The following LTAP1 variants were observed in gnomAD, a reference collection of about 807,000 sequenced individuals.
The protein encoded by LTAP1 is HCV NS5A-transactivated protein 4.
At chr1:154,206,861 A>C in the LTAP1 span, 1 of 154,894 alleles carries the variant, frequency 6.5e-6, no homozygotes. Context: ...CTTTTATTCA[A>C]TTTATTAATG....
At chr1:154,218,369 CT>C in the LTAP1 span, among the ~76,000 whole-genome samples, 1 of 152,138 alleles carries the variant, frequency 6.6e-6, no homozygotes, top group Non-Finnish European at 1.5e-5. Context: ...AGGAATATTG[CT>C]CTGAACTAGA....
chr1:154,217,563 C>G, the LTAP1 span, among the ~76,000 whole-genome samples: 2 of 152,056 alleles, frequency 1.3e-5, no homozygotes. Flanking sequence ...GACAGAGTCT[C>G]GCTCTGTCAC....
At chr1:154,213,743 C>G in the LTAP1 span, 1 of 567,896 alleles carries the variant, frequency 1.8e-6, no homozygotes, top group Non-Finnish European at 3.1e-6. Flanking sequence ...TCAGCAAAAT[C>G]TCTAATCTAG....
chr1:154,212,506 G>A, the LTAP1 span: 2 of 1,614,186 alleles, frequency 1.2e-6, no homozygotes, highest in Non-Finnish European at 1.7e-6. Flanking sequence ...GGGTATCAAT[G>A]AGTGCTTTGC....
the LTAP1 span, among the ~76,000 whole-genome samples, chr1:154,215,137 G>A: frequency 4.6e-5 from 7 of 152,114 alleles, no homozygotes; most frequent in South Asian, 2.1e-4. Flanking sequence ...GAGCTACTGC[G>A]CCCAGCCTCT....
At chr1:154,208,206 C>T in the LTAP1 span, among the ~76,000 whole-genome samples, 40 of 152,156 alleles carry the variant, frequency 2.6e-4, no homozygotes, top group East Asian at 7.1e-3. Flanking sequence ...GAGTTTGAGA[C>T]CAGTCTGGGA....
chr1:154,220,298 G>A, the LTAP1 span: 7 of 1,608,356 alleles, frequency 4.4e-6, no homozygotes, highest in South Asian at 3.3e-5. Context: ...GGTCTCTACT[G>A]GGTAAGATGC....
the LTAP1 span, chr1:154,212,501 T>C: frequency 1.4e-4 from 226 of 1,614,034 alleles, no homozygotes; most frequent in South Asian, 6.4e-4. Context: ...CAAAAGGGTA[T>C]CAATGAGTGC....
At chr1:154,213,670 G>C in the LTAP1 span, among the ~76,000 whole-genome samples, 1 of 152,166 alleles carries the variant, frequency 6.6e-6, no homozygotes, top group Non-Finnish European at 1.5e-5. Flanking sequence ...GGTCTCAAGA[G>C]AAGAACTTTA....
At chr1:154,219,758 A>C in the LTAP1 span, 4 of 1,050,914 alleles carry the variant, frequency 3.8e-6, no homozygotes, top group Non-Finnish European at 5.6e-6. Context: ...TAAAGTCATC[A>C]CTAAAGGCAG....
chr1:154,207,405 AC>A, the LTAP1 span: 1 of 1,586,764 alleles, frequency 6.3e-7, no homozygotes, highest in South Asian at 1.1e-5. Flanking sequence ...CCTGTCTTGC[AC>A]ATTGCAACTG....
the LTAP1 span, chr1:154,214,522 T>C: frequency 1.1e-5 from 18 of 1,613,964 alleles, no homozygotes; most frequent in Non-Finnish European, 1.4e-5. Context: ...CTGGGGCTCA[T>C]ACTTGATATC....
chr1:154,211,215 G>C, the LTAP1 span, among the ~76,000 whole-genome samples: 1 of 150,640 alleles, frequency 6.6e-6, no homozygotes, highest in Non-Finnish European at 1.5e-5. Flanking sequence ...ATGTTGGCCA[G>C]GCTGGTCTTG....
chr1:154,207,202 CT>C, the LTAP1 span: 1 of 389,516 alleles, frequency 2.6e-6, no homozygotes, highest in Non-Finnish European at 4.6e-6. Context: ...AGAATAACAC[CT>C]GAATGCAAAT....
At chr1:154,217,422 A>G in the LTAP1 span, among the ~76,000 whole-genome samples, 5 of 152,216 alleles carry the variant, frequency 3.3e-5, no homozygotes, top group Non-Finnish European at 7.3e-5. Context: ...CCCAGGCAAC[A>G]TGATGTACTC....
At chr1:154,207,828 C>T in the LTAP1 span, among the ~76,000 whole-genome samples, 8 of 152,148 alleles carry the variant, frequency 5.3e-5, no homozygotes, top group East Asian at 1.9e-4. Context: ...AGGCTGAGCG[C>T]GGTGGCTCAC....
the LTAP1 span, chr1:154,220,504 A>G: frequency 1.4e-6 from 2 of 1,390,902 alleles, no homozygotes; most frequent in Admixed American, 1.7e-5. Context: ...GGTCCCCTGG[A>G]GCTCCCCGGC....
At chr1:154,220,190 G>T in the LTAP1 span, 2 of 1,000,990 alleles carry the variant, frequency 2.0e-6, no homozygotes, top group South Asian at 2.8e-5. Flanking sequence ...CCGACTAAGT[G>T]ACTTAAACTC....
At chr1:154,208,891 G>A in the LTAP1 span, among the ~76,000 whole-genome samples, 1 of 152,038 alleles carries the variant, frequency 6.6e-6, no homozygotes, top group Non-Finnish European at 1.5e-5. Context: ...GGGATTGCAG[G>A]TGCATACCAC....
Sources: allele counts gnomAD v4.1 joint callset (sites outside exome capture counted in the v4.1 genomes callset), GRCh38; gene constraint gnomAD v4.1.1; transcripts MANE v1.5; gene names NCBI Gene and HGNC (gene_info 2026-07-23, HGNC 2026-07-21).